TPTE: variants seen among roughly 807,000 people sequenced by gnomAD.
TPTE encodes putative tyrosine-protein phosphatase TPTE.
Under a neutral mutation model 84.1 loss-of-function variants are expected in TPTE, and 59 were observed. The ratio of observed to expected loss-of-function variants is 0.70; its 90% CI spans 0.57 to 0.87. The LOEUF (loss-of-function observed/expected upper bound fraction) is 0.87. TPTE is among the 40% of genes least tolerant of loss of function. TPTE has a pLI of 0.00. For synonymous variants in TPTE, 130 were observed against 223.5 expected, an observed-to-expected ratio of 0.58 and a Z score of 3.73; for missense variants, 382 against 659.6, an observed-to-expected ratio of 0.58 and a Z score of 4.61.
chr21:10,521,875 G>C, intron 1 of TPTE, among the ~76,000 whole-genome samples, 181 bp downstream of exon 1: 1 of 152,268 alleles, frequency 6.6e-6, no homozygotes, highest in Non-Finnish European at 1.5e-5. Context: ...GGAGGTGTCC[G>C]CACAAAAGGC....
chr21:10,572,917 A>G (rs1361348468), intron 14 of TPTE, among the ~76,000 whole-genome samples: 3 of 152,290 alleles, frequency 2.0e-5, no homozygotes, highest in African/African-American at 7.2e-5. Flanking sequence ...AAAGGTGAAG[A>G]AAAGAACAAA....
At chr21:10,591,079 T>C (rs1191519223) in intron 18 of TPTE, among the ~76,000 whole-genome samples, 3 of 152,408 alleles carry the variant, frequency 2.0e-5, no homozygotes, top group African/African-American at 7.2e-5. Flanking sequence ...TCCTCACAAC[T>C]CTTAGGTAGA....
chr21:10,604,192 C>A (rs1490150770), intron 23 of TPTE, among the ~76,000 whole-genome samples: 18 of 152,384 alleles, frequency 1.2e-4, no homozygotes, highest in African/African-American at 2.4e-4. Flanking sequence ...AATTGGGAAA[C>A]CTTTCTGAAA....
intron 17 of TPTE, among the ~76,000 whole-genome samples, chr21:10,579,294 G>A (rs2075226954): frequency 6.6e-6 from 1 of 152,310 alleles, no homozygotes; most frequent in Non-Finnish European, 1.5e-5. Context: ...GGTTGAGGCA[G>A]GTGGATCACA....
At chr21:10,556,775 C>A (rs2074692417) in intron 8 of TPTE, among the ~76,000 whole-genome samples, 1 of 152,310 alleles carries the variant, frequency 6.6e-6, no homozygotes. Context: ...TTTTGATTTG[C>A]ATTTCTCTGA....
chr21:10,589,207 T>C (rs2075419162), intron 17 of TPTE, among the ~76,000 whole-genome samples: 1 of 152,308 alleles, frequency 6.6e-6, no homozygotes, highest in African/African-American at 2.4e-5. Context: ...TCTTTCCCTT[T>C]CCCTTCTCCC....
In TPTE at chr21:10,521,712, G is replaced by A. The variant is rs411968; in HGVS notation, c.-211+18G>A. The A allele has an allele frequency of 0.77, 116,645 of 151,466 alleles. 40,986 individuals are homozygous for A. Among genetic ancestry groups the A allele is most frequent in the Non-Finnish European group, 0.88 (59,826 of 68,202 alleles). 9.4% of individuals were successfully genotyped at this position (151,466 alleles called of 1,614,324 possible). ...CGCCCGAGGTGAGCCCAGGCCCTAA[G>A]TCCTCCGGGCGGGGGTAGGGGTGGG... On this transcript the variant is annotated intron_variant, in intron 1 of 23. Transcript: ENST00000618007.
intron 7 of TPTE, among the ~76,000 whole-genome samples, chr21:10,547,567 C>T (rs1453422909): frequency 6.6e-6 from 1 of 152,310 alleles, no homozygotes; most frequent in Non-Finnish European, 1.5e-5. Context: ...ATGTCCTGGA[C>T]TAGGAGTACA....
intron 14 of TPTE, among the ~76,000 whole-genome samples, chr21:10,575,128 G>A (rs2075125041): frequency 1.3e-5 from 2 of 152,308 alleles, no homozygotes; most frequent in Admixed American, 1.3e-4. Context: ...GTGGCGAGAG[G>A]CAGCCAGCAT....
At chr21:10,540,457 C>T (rs1471432401) in intron 4 of TPTE, among the ~76,000 whole-genome samples, 1 of 152,308 alleles carries the variant, frequency 6.6e-6, no homozygotes, top group Non-Finnish European at 1.5e-5. Context: ...TGTCACATTA[C>T]CTTTCTGTGA....
At chr21:10,530,470 A>G (rs1238360974) in intron 3 of TPTE, among the ~76,000 whole-genome samples, 1 of 152,300 alleles carries the variant, frequency 6.6e-6, no homozygotes, top group African/African-American at 2.4e-5. Flanking sequence ...TCATTTTGTT[A>G]GTTTTTTGCA....
At chr21:10,533,636 G>T (rs1340944653) in intron 3 of TPTE, among the ~76,000 whole-genome samples, 13 of 152,306 alleles carry the variant, frequency 8.5e-5, no homozygotes, top group African/African-American at 3.1e-4. Context: ...AAGTGTCCTG[G>T]TTTGGGCAGG....
chr21:10,548,269 C>T (rs1202413103), intron 7 of TPTE, among the ~76,000 whole-genome samples: 1 of 152,302 alleles, frequency 6.6e-6, no homozygotes, highest in African/African-American at 2.4e-5. Context: ...CTTTAGGCCA[C>T]CCCACACAGA....
At position 10,595,981 on chromosome 21, in the gene TPTE, G is replaced by A. The variant is rs199773209; in HGVS notation, c.1171-1G>A. 1.7e-5 allele frequency: 28 copies of A among 1,613,244 alleles called. No homozygotes were observed. Among genetic ancestry groups the A allele is most frequent in the Non-Finnish European group, 2.4e-5 (28 of 1,179,780 alleles). Reference sequence around the variant, plus strand: ...AAAGGAAGATTTCTGTTGCTTTTCAGAAGAGATATGTTGCATATTTTGCAC... The same window carrying A: ...AAAGGAAGATTTCTGTTGCTTTTCAAAAGAGATATGTTGCATATTTTGCAC... On this transcript the variant is annotated splice_acceptor_variant, in intron 19 of 23. Coordinates refer to ENST00000618007, the MANE Select transcript of TPTE (RefSeq NM_199261.4). LOFTEE classifies it high-confidence loss of function.
At chr21:10,592,805 GGTGTGTGTGT>G (rs4041809) in intron 19 of TPTE, among the ~76,000 whole-genome samples, 13 of 148,958 alleles carry the variant, frequency 8.7e-5, no homozygotes, top group East Asian at 2.0e-4. Flanking sequence ...GATGACTCCT[GGTGTGTGTGT>G]GTGTGTGTGT....
chr21:10,559,993 G>A (rs1435881710), intron 9 of TPTE, among the ~76,000 whole-genome samples: 8 of 151,868 alleles, frequency 5.3e-5, no homozygotes, highest in African/African-American at 1.9e-4. Context: ...TAACAAAAAA[G>A]CATTTCCACT....
chr21:10,580,129 T>C (rs1410804648), intron 17 of TPTE, among the ~76,000 whole-genome samples: 1 of 152,310 alleles, frequency 6.6e-6, no homozygotes, highest in Non-Finnish European at 1.5e-5. Flanking sequence ...TTTCTCATTA[T>C]ACCTCTTGGC....
chr21:10,562,293 A>C (rs1391806433), intron 10 of TPTE, among the ~76,000 whole-genome samples: 1 of 151,780 alleles, frequency 6.6e-6, no homozygotes, highest in African/African-American at 2.4e-5. Context: ...GACAGTGAAA[A>C]CTACAATAAA....
chr21:10,552,884 G>A (rs1600890457), intron 8 of TPTE, among the ~76,000 whole-genome samples, 168 bp downstream of exon 8: 1 of 152,404 alleles, frequency 6.6e-6, no homozygotes, highest in Admixed American at 6.5e-5. Context: ...TCTTAGACAA[G>A]TATTATTTTG....
Sources: gnomAD v4.1 joint callset for allele counts (sites outside exome capture counted in the v4.1 genomes callset) on GRCh38, gnomAD v4.1.1 for gene constraint, MANE v1.5 for transcripts, NCBI Gene and HGNC (gene_info 2026-07-23, HGNC 2026-07-21) for gene names.